The following PKP1 variants were observed in gnomAD, a reference collection of about 807,000 sequenced individuals.
PKP1 encodes plakophilin 1, also known as plakophilin-1.
Under a neutral mutation model 76.4 loss-of-function variants are expected in PKP1, and 27 were observed. That is an observed-to-expected ratio of 0.35 (90% CI 0.26 to 0.49). The LOEUF is 0.49. PKP1 is among the 20% of genes least tolerant of loss of function. The pLI, the probability that PKP1 is intolerant of heterozygous loss-of-function variation, is 0.99. For missense variants in PKP1, 964 were observed against 955.2 expected (o/e 1.01, Z -0.12); for synonymous variants, 404 against 384.2 (o/e 1.05, Z -0.60).
chr1:201,316,437 G>T, intron 3 of PKP1, 116 bp from the exon 4 acceptor site: 3 of 1,120,282 alleles, frequency 2.7e-6, no homozygotes, highest in South Asian at 3.0e-5. Flanking sequence ...CCTTGTTCTG[G>T]CTCTCCAGAG....
chr1:201,316,589 C>T lies in PKP1; in HGVS notation c.738C>T (p.Thr246=). 6.2e-7 allele frequency: 1 copy of T among 1,611,724 alleles called. No individual in the cohort carries two copies. The highest frequency in any genetic ancestry group is 2.2e-5 in the East Asian group (1 of 44,852). The change falls in exon 4 of 14, where the codon ACC becomes ACT. Residue 246 remains threonine, a synonymous_variant. Coordinates refer to ENST00000367324, the MANE Select transcript of PKP1 (RefSeq NM_001005337.3). Reference sequence around the variant, plus strand: ...AGGACATCGAGTGCAGTGGGCTGACCATCCCCAAGGCTGTGCAGTACCTGA... The same window carrying T: ...AGGACATCGAGTGCAGTGGGCTGACTATCCCCAAGGCTGTGCAGTACCTGA... ...CSEDIECSGL[T]IPKAVQYLSS...
intron 11 of PKP1, among the ~76,000 whole-genome samples, chr1:201,325,513 T>C (rs1657090643): frequency 6.6e-6 from 1 of 151,962 alleles, no homozygotes; most frequent in South Asian, 2.1e-4. Flanking sequence ...CACTGCCACC[T>C]CATGGCCCCT....
intron 3 of PKP1, 144 bp downstream of exon 3, chr1:201,313,704 A>G (rs2102173981): frequency 2.3e-6 from 2 of 874,402 alleles, no homozygotes; most frequent in Middle Eastern, 3.6e-4. Flanking sequence ...CCCTGGTGTA[A>G]TGGACTCCCT....
chr1:201,283,972 C>T (rs890320873), intron 1 of PKP1, 68 bp downstream of exon 1: 254 of 1,406,682 alleles, frequency 1.8e-4, no homozygotes, highest in Admixed American at 5.1e-4. Flanking sequence ...TGGCGGGGAC[C>T]AAGAGACGCA....
At chr1:201,288,037 A>G (rs916533063) in intron 1 of PKP1, among the ~76,000 whole-genome samples, 1 of 152,154 alleles carries the variant, frequency 6.6e-6, no homozygotes, top group African/African-American at 2.4e-5. Context: ...ACACACGTAC[A>G]CACACATAAC....
chr1:201,330,017 T>G (rs1657267639), intron 13 of PKP1, 57 bp from the exon 14 acceptor site: 1 of 152,224 alleles, frequency 6.6e-6, no homozygotes, highest in African/African-American at 2.4e-5. Context: ...AGGCTGGGCT[T>G]GTGGTGTGGA....
At chr1:201,321,941 G>C in intron 7 of PKP1, 37 bp from the exon 8 acceptor site, 1 of 1,613,050 alleles carries the variant, frequency 6.2e-7, no homozygotes, top group Non-Finnish European at 8.5e-7. Context: ...GTCGGGCCGG[G>C]CAGAGGCTCA....
chr1:201,318,715 T>C lies in PKP1; in HGVS notation c.1152T>C (p.Ser384=). The change falls in exon 6 of 14, where the codon TCT becomes TCC. Residue 384 remains serine (S), a synonymous_variant. Transcript: ENST00000367324. ...CCGACCGCGTCATCATTCCCTTCTC[T>C]GGCTGGTGCGATGGCAATAGCAACA... ...VLADRVIIPF[S]GWCDGNSNMS... The C allele has an allele frequency of 6.2e-7, 1 of 1,612,216 alleles. No individual in the cohort carries two copies. Among genetic ancestry groups the C allele is most frequent in the South Asian group, 1.1e-5 (1 of 90,934 alleles).
At chr1:201,323,422 GCA>G (rs34882270) in intron 9 of PKP1, among the ~76,000 whole-genome samples, 93,830 of 151,854 alleles carry the variant, frequency 0.62, 30,080 homozygotes, top group East Asian at 0.76. Context: ...TTCTGTCCAT[GCA>G]CACACAATCC....
chr1:201,310,622 G>C (rs1393549097), intron 2 of PKP1, among the ~76,000 whole-genome samples: 1 of 152,224 alleles, frequency 6.6e-6, no homozygotes, highest in East Asian at 1.9e-4. Flanking sequence ...GGTACTTGGG[G>C]AGGACGGGGT....
intron 12 of PKP1, among the ~76,000 whole-genome samples, chr1:201,327,351 G>A (rs1426818174): frequency 1.3e-5 from 2 of 152,116 alleles, no homozygotes; most frequent in African/African-American, 2.4e-5. Context: ...GCATGGCAGG[G>A]GACAATAGGG....
chr1:201,322,930 T>TG, intron 8 of PKP1, 83 bp from the exon 9 acceptor site: 4 of 1,441,312 alleles, frequency 2.8e-6, no homozygotes, highest in Non-Finnish European at 3.8e-6. Context: ...ACCCTGAGGC[T>TG]GGGGGGATGG....
chr1:201,319,754 G>A (rs1794871), intron 6 of PKP1: 3 of 1,572,378 alleles, frequency 1.9e-6, no homozygotes, highest in East Asian at 2.2e-5. Context: ...CTGGTGCCCA[G>A]CCCGGCCACC....
chr1:201,311,025 G>T (rs1293059864), intron 2 of PKP1, among the ~76,000 whole-genome samples: 3 of 152,222 alleles, frequency 2.0e-5, no homozygotes, highest in Non-Finnish European at 4.4e-5. Context: ...GGGCCAGGAT[G>T]AGTGTTTGGG....
chr1:201,325,906 C>A, intron 12 of PKP1, 68 bp downstream of exon 12: 1 of 1,184,768 alleles, frequency 8.4e-7, no homozygotes, highest in Non-Finnish European at 1.3e-6. Context: ...CTGGCATATG[C>A]TGGGCTCTGG....
At position 201,331,016 on chromosome 1, in the gene PKP1, G is replaced by A. The variant is rs1335165418; in HGVS notation, c.*975G>A. ...AGCTCTTTCCCAAGAGCTGTTCTGGGAATGGCTGGTCTTCATATTCCCAGT... is the reference window on the plus strand; with the variant it reads ...AGCTCTTTCCCAAGAGCTGTTCTGGAAATGGCTGGTCTTCATATTCCCAGT... On this transcript the variant is annotated 3_prime_UTR_variant, in exon 14 of 14. Transcript: ENST00000367324. 2 of 152,218 alleles carry A rather than the reference G, an allele frequency of 1.3e-5. No homozygotes were observed. Among genetic ancestry groups the A allele is most frequent in the Non-Finnish European group, 2.9e-5 (2 of 68,040 alleles). The allele number at this position is 152,218 out of a possible 1,614,324, so 9.4% of individuals were successfully genotyped here.
At chr1:201,310,202 T>C (rs891308085) in intron 2 of PKP1, among the ~76,000 whole-genome samples, 28 of 152,234 alleles carry the variant, frequency 1.8e-4, no homozygotes, top group African/African-American at 6.5e-4. Flanking sequence ...GTCAGAGGGA[T>C]ATGATGTCCC....
chr1:201,295,271 G>A (rs759904078), intron 2 of PKP1, among the ~76,000 whole-genome samples: 1 of 152,084 alleles, frequency 6.6e-6, no homozygotes, highest in Non-Finnish European at 1.5e-5. Flanking sequence ...TCTTTTGGGG[G>A]CTAATTTTGG....
chr1:201,312,501 C>A (rs1039309759), intron 2 of PKP1, among the ~76,000 whole-genome samples: 1 of 152,184 alleles, frequency 6.6e-6, no homozygotes, highest in African/African-American at 2.4e-5. Context: ...CATGTGGGAC[C>A]AGATCAGAGG....
Sources: gnomAD v4.1 joint callset for allele counts (sites outside exome capture counted in the v4.1 genomes callset) on GRCh38, gnomAD v4.1.1 for gene constraint, MANE v1.5 for transcripts, NCBI Gene and HGNC (gene_info 2026-07-23, HGNC 2026-07-21) for gene names.